The following PCDHA11 variants were observed in gnomAD, a reference collection of about 807,000 sequenced individuals.
PCDHA11 encodes protocadherin alpha 11.
A neutral mutation model predicts 70.3 loss-of-function variants in PCDHA11; 61 were observed. The ratio of observed to expected loss-of-function variants is 0.87; its 90% CI spans 0.71 to 1.07. The LOEUF (loss-of-function observed/expected upper bound fraction) is 1.07, where lower values mean the gene tolerates loss of function less well. Ranked by LOEUF, PCDHA11 falls within the 50% of genes least tolerant of loss-of-function variation. The pLI is 0.00. For missense variants in PCDHA11, 1,324 were observed against 1,237.5 expected, an observed-to-expected ratio of 1.07 and a Z score of -1.05; for synonymous variants, 633 against 555.1, an observed-to-expected ratio of 1.14 and a Z score of -1.97.
chr5:140,900,780 C>T (rs1554189418), intron 1 of PCDHA11, among the ~76,000 whole-genome samples: 1 of 152,192 alleles, frequency 6.6e-6, no homozygotes, highest in Admixed American at 6.5e-5. Flanking sequence ...TTTGAGGAAA[C>T]TCCAAACTGT....
intron 1 of PCDHA11, chr5:140,883,711 C>G: frequency 6.2e-7 from 1 of 1,613,576 alleles, no homozygotes; most frequent in Admixed American, 1.7e-5. Flanking sequence ...CTGCTCAGGA[C>G]GCGGACGCAC....
chr5:140,891,281 G>A (rs1554184772), intron 1 of PCDHA11, among the ~76,000 whole-genome samples: 2 of 151,886 alleles, frequency 1.3e-5, no homozygotes, highest in African/African-American at 4.8e-5. Context: ...GTAAGTTATT[G>A]GGGGTACAGG....
At chr5:140,895,691 T>C (rs571770501) in intron 1 of PCDHA11, among the ~76,000 whole-genome samples, 3 of 152,322 alleles carry the variant, frequency 2.0e-5, no homozygotes, top group South Asian at 4.1e-4. Flanking sequence ...TCTGTTTCTA[T>C]ATTAATTCAC....
intron 1 of PCDHA11, among the ~76,000 whole-genome samples, chr5:140,925,907 C>T (rs937426015): frequency 6.6e-6 from 1 of 151,848 alleles, no homozygotes; most frequent in African/African-American, 2.4e-5. Flanking sequence ...TCGTCAAGGG[C>T]CGTTTGCAAA....
At chr5:140,961,690 C>T (rs573918307) in intron 1 of PCDHA11, among the ~76,000 whole-genome samples, 2 of 152,154 alleles carry the variant, frequency 1.3e-5, no homozygotes, top group African/African-American at 4.8e-5. Context: ...CGGAGTAGTC[C>T]TTAGTATGAA....
Position 140,871,082 on chromosome 5 carries a change from C to G in PCDHA11, c.1979C>G (p.Ala660Gly). Residue 660 changes from alanine to glycine, a missense_variant, in exon 1 of 4, where the codon GCC (alanine) becomes GGC (glycine). By Grantham distance (60) the Ala-to-Gly change is moderately conservative. Coordinates refer to ENST00000398640, the MANE Select transcript of PCDHA11 (RefSeq NM_018902.5). ...VKDHGEPALT[A>G]TATVLVSLVE... is the part of the protein sequence containing the mutation. ...GATCACGGTGAGCCGGCGCTGACGG[C>G]CACGGCCACCGTGCTGGTGTCGTTG... The G allele has an allele frequency of 6.2e-7, 1 of 1,613,246 alleles. No homozygotes were observed. Among genetic ancestry groups the G allele is most frequent in the South Asian group, 1.1e-5 (1 of 91,080 alleles).
At chr5:140,899,158 T>G (rs1285542285) in intron 1 of PCDHA11, among the ~76,000 whole-genome samples, 1 of 152,188 alleles carries the variant, frequency 6.6e-6, no homozygotes, top group African/African-American at 2.4e-5. Context: ...TGACTTCCTC[T>G]TTTCCTAATT....
At chr5:140,874,887 T>G (rs1315281628) in intron 1 of PCDHA11, among the ~76,000 whole-genome samples, 2 of 152,350 alleles carry the variant, frequency 1.3e-5, no homozygotes, top group East Asian at 3.9e-4. Context: ...AATTCCTAAC[T>G]TTCTCTAAAA....
intron 1 of PCDHA11, chr5:140,927,924 T>C: frequency 1.2e-6 from 2 of 1,614,204 alleles, no homozygotes; most frequent in Non-Finnish European, 1.7e-6. Context: ...ACTTCCTGAC[T>C]CTTTCGAACC....
intron 1 of PCDHA11, among the ~76,000 whole-genome samples, chr5:140,923,301 G>C (rs1554201374): frequency 6.6e-6 from 1 of 152,206 alleles, no homozygotes; most frequent in African/African-American, 2.4e-5. Context: ...AGCTGGGCGT[G>C]GGGGCGCTTG....
At chr5:140,876,759 TG>T (rs2056563971) in intron 1 of PCDHA11, 10 of 1,614,028 alleles carry the variant, frequency 6.2e-6, no homozygotes, top group African/African-American at 2.7e-5. Context: ...CTGCGCGGGA[TG>T]GGGGCTCGCC....
At chr5:140,914,670 C>T (rs554633450) in intron 1 of PCDHA11, among the ~76,000 whole-genome samples, 85 of 152,088 alleles carry the variant, frequency 5.6e-4, no homozygotes, top group African/African-American at 2.0e-3. Context: ...TCTTCTTTTT[C>T]ATGAAAATAA....
chr5:141,006,944 A>G (rs2098295543), intron 3 of PCDHA11, among the ~76,000 whole-genome samples: 1 of 152,202 alleles, frequency 6.6e-6, no homozygotes, highest in African/African-American at 2.4e-5. Context: ...GATACCAGAT[A>G]GGCAGTTATA....
At chr5:141,006,188 A>C (rs1319299509) in intron 3 of PCDHA11, among the ~76,000 whole-genome samples, 2 of 150,182 alleles carry the variant, frequency 1.3e-5, no homozygotes, top group Admixed American at 6.7e-5. Flanking sequence ...AGAGTTTGCT[A>C]TATGTATGTT....
intron 2 of PCDHA11, among the ~76,000 whole-genome samples, chr5:140,981,353 C>G (rs551731316): frequency 6.6e-6 from 1 of 152,048 alleles, no homozygotes; most frequent in East Asian, 1.9e-4. Context: ...GCAGGTGGAT[C>G]ACTTGAGGTC....
intron 3 of PCDHA11, among the ~76,000 whole-genome samples, chr5:141,008,546 A>G (rs2098381708): frequency 6.6e-6 from 1 of 150,382 alleles, no homozygotes; most frequent in Non-Finnish European, 1.5e-5. Flanking sequence ...TTTATTGAAA[A>G]CTCCTGTGGA....
At chr5:140,963,195 T>TG (rs1323958663) in intron 1 of PCDHA11, among the ~76,000 whole-genome samples, 4 of 150,680 alleles carry the variant, frequency 2.7e-5, no homozygotes, top group Non-Finnish European at 5.9e-5. Flanking sequence ...ACTGTGAAAA[T>TG]GAAAAAAAAA....
At chr5:140,876,231 A>G (rs1428769390) in intron 1 of PCDHA11, 1 of 1,613,886 alleles carries the variant, frequency 6.2e-7, no homozygotes, top group African/African-American at 1.3e-5. Context: ...TGTTGTCTGA[A>G]AATGTCCAAA....
chr5:140,935,108 A>G (rs1181696268), intron 1 of PCDHA11, among the ~76,000 whole-genome samples: 3 of 152,148 alleles, frequency 2.0e-5, no homozygotes, highest in Non-Finnish European at 4.4e-5. Context: ...TTTTTCAAAG[A>G]GCTTTCACTT....
Sources: allele counts gnomAD v4.1 joint callset (sites outside exome capture counted in the v4.1 genomes callset), GRCh38; gene constraint gnomAD v4.1.1; transcripts MANE v1.5; gene names NCBI Gene and HGNC (gene_info 2026-07-23, HGNC 2026-07-21).